Variants in ANKRD28 observed in about 807,000 individuals in gnomAD.
ANKRD28 encodes serine/threonine-protein phosphatase 6 regulatory ankyrin repeat subunit A.
In ANKRD28, 44 loss-of-function variants were observed where a neutral mutation model predicts 126.5. That is an observed-to-expected ratio of 0.35 (90% CI 0.27 to 0.45). The LOEUF (loss-of-function observed/expected upper bound fraction) is 0.45. ANKRD28 is among the 20% of genes least tolerant of loss of function. ANKRD28 has a pLI of 1.00. For missense variants in ANKRD28, 1,110 were observed against 1,316.6 expected (o/e 0.84, Z 2.43); for synonymous variants, 442 against 468.5 (o/e 0.94, Z 0.73).
intron 1 of ANKRD28, among the ~76,000 whole-genome samples, chr3:15,825,892 A>G (rs2061054749): frequency 6.6e-6 from 1 of 152,220 alleles, no homozygotes; most frequent in Non-Finnish European, 1.5e-5. Context: ...AAAACAAAGT[A>G]TCACTCATAT....
chr3:15,806,070 T>C (rs1436958295), intron 1 of ANKRD28, among the ~76,000 whole-genome samples: 2 of 152,358 alleles, frequency 1.3e-5, no homozygotes, highest in Admixed American at 1.3e-4. Flanking sequence ...GTTCCTTTTA[T>C]CAAAGAGTGC....
At chr3:15,774,285 T>C (rs2059155733) in intron 2 of ANKRD28, among the ~76,000 whole-genome samples, 1 of 152,176 alleles carries the variant, frequency 6.6e-6, no homozygotes, top group African/African-American at 2.4e-5. Context: ...ATGAGACTTT[T>C]GTACTGAGAA....
chr3:15,787,465 C>A (rs2059831277), intron 2 of ANKRD28, among the ~76,000 whole-genome samples: 1 of 152,146 alleles, frequency 6.6e-6, no homozygotes, highest in African/African-American at 2.4e-5. Context: ...TGGGAGAAAG[C>A]TGAGTTGGTT....
Position 15,675,999 on chromosome 3 carries a change from A to T in ANKRD28, c.2874-10T>A. 1 of 1,607,812 alleles carries T rather than the reference A, an allele frequency of 6.2e-7. No homozygotes were observed. Among genetic ancestry groups the T allele is most frequent in the Non-Finnish European group, 8.5e-7 (1 of 1,176,232 alleles). On this transcript the variant is annotated splice_polypyrimidine_tract_variant and intron_variant, in intron 26 of 27. Transcript: ENST00000683139. ...AGCAACATGCAGAGGTCTAGGGGAA[A>T]AAACATGATACATGTACACATATGT...
At chr3:15,724,015 A>G (rs1450859570) in intron 7 of ANKRD28, among the ~76,000 whole-genome samples, 2 of 152,224 alleles carry the variant, frequency 1.3e-5, no homozygotes, top group East Asian at 1.9e-4. Context: ...TGCTACAGTC[A>G]TTTTAAGAGA....
chr3:15,805,339 T>C (rs1275270013), intron 1 of ANKRD28, among the ~76,000 whole-genome samples: 1 of 152,170 alleles, frequency 6.6e-6, no homozygotes, highest in Non-Finnish European at 1.5e-5. Flanking sequence ...TAATTTTGAT[T>C]ACCTTGAGAA....
chr3:15,710,341 T>C (rs528340600), intron 12 of ANKRD28, among the ~76,000 whole-genome samples: 12 of 152,212 alleles, frequency 7.9e-5, no homozygotes, highest in Non-Finnish European at 1.6e-4. Flanking sequence ...TATGTTACAA[T>C]GAAAACTGTA....
At chr3:15,776,097 C>T (rs1367290554) in intron 2 of ANKRD28, among the ~76,000 whole-genome samples, 1 of 152,272 alleles carries the variant, frequency 6.6e-6, no homozygotes, top group South Asian at 2.1e-4. Context: ...AAGCTGTATG[C>T]TAGGAAACTG....
intron 26 of ANKRD28, chr3:15,676,455 C>T (rs9832028): frequency 0.04 from 6,292 of 156,328 alleles, 425 homozygotes; most frequent in African/African-American, 0.14. Flanking sequence ...AATCCCAGAA[C>T]GGGCAACAAT....
upstream of ANKRD28, among the ~76,000 whole-genome samples, chr3:15,802,687 GAGAA>G (rs765727389): frequency 3.3e-5 from 5 of 152,182 alleles, no homozygotes; most frequent in Non-Finnish European, 5.9e-5. Context: ...TCAGAGGAGA[GAGAA>G]AGAGATGGAA....
At chr3:15,760,457 C>A (rs865983660) in intron 3 of ANKRD28, among the ~76,000 whole-genome samples, 1 of 152,108 alleles carries the variant, frequency 6.6e-6, no homozygotes, top group Non-Finnish European at 1.5e-5. Flanking sequence ...TTGCCCCTTC[C>A]TTTCTGTTCT....
intron 5 of ANKRD28, 125 bp from the exon 6 acceptor site, chr3:15,735,622 G>A: frequency 1.5e-6 from 1 of 668,258 alleles, no homozygotes; most frequent in Non-Finnish European, 2.5e-6. Context: ...TGAACAGAAG[G>A]AGCTAGACTA....
In ANKRD28 at chr3:15,795,318, G is replaced by A. The variant is rs756140751; in HGVS notation, c.118-12C>T. On this transcript the variant is annotated splice_polypyrimidine_tract_variant and intron_variant, in intron 1 of 27. Coordinates refer to ENST00000683139, the MANE Select transcript of ANKRD28 (RefSeq NM_001349278.2). ...TGCACCAGTGATGGCTAAAATAGAA[G>A]AGAGTAATAAAAACATTAGAATCAT... 3.8e-6 allele frequency: 6 copies of A among 1,578,490 alleles called. No individual in the cohort carries two copies. Among genetic ancestry groups the A allele is most frequent in the Non-Finnish European group, 4.4e-6 (5 of 1,148,016 alleles).
chr3:15,714,838 T>A (rs1028111562), intron 8 of ANKRD28, among the ~76,000 whole-genome samples, 182 bp from the exon 9 acceptor site: 4 of 152,190 alleles, frequency 2.6e-5, no homozygotes, highest in Admixed American at 6.5e-5. Flanking sequence ...TTAGCACGTG[T>A]ATCATAAAAC....
At chr3:15,771,897 G>T (rs1305330430) in intron 2 of ANKRD28, among the ~76,000 whole-genome samples, 1 of 152,082 alleles carries the variant, frequency 6.6e-6, no homozygotes, top group Non-Finnish European at 1.5e-5. Flanking sequence ...AAGATAACCT[G>T]ACAATTTGAA....
chr3:15,796,216 T>C (rs2125825206), intron 1 of ANKRD28, among the ~76,000 whole-genome samples, 189 bp downstream of exon 1: 1 of 152,214 alleles, frequency 6.6e-6, no homozygotes, highest in African/African-American at 2.4e-5. Context: ...AAATGTTATC[T>C]CAGCATTCAA....
At chr3:15,825,331 C>T (rs186963662) in intron 1 of ANKRD28, among the ~76,000 whole-genome samples, 1 of 152,294 alleles carries the variant, frequency 6.6e-6, no homozygotes, top group East Asian at 1.9e-4. Context: ...CAATACTGTA[C>T]AACGCTAATT....
At chr3:15,795,884 A>T (rs2060254046) in intron 1 of ANKRD28, among the ~76,000 whole-genome samples, 1 of 152,170 alleles carries the variant, frequency 6.6e-6, no homozygotes, top group African/African-American at 2.4e-5. Context: ...ATAATTTCTT[A>T]ATCAACGATA....
chr3:15,743,672 T>C (rs2057281516), intron 4 of ANKRD28, among the ~76,000 whole-genome samples: 1 of 151,862 alleles, frequency 6.6e-6, no homozygotes, highest in African/African-American at 2.4e-5. Context: ...TACACAGAGC[T>C]GAACTATATG....
Sources: allele counts gnomAD v4.1 joint callset (sites outside exome capture counted in the v4.1 genomes callset), GRCh38; gene constraint gnomAD v4.1.1; transcripts MANE v1.5; gene names NCBI Gene and HGNC (gene_info 2026-07-23, HGNC 2026-07-21).